The following DNM3 variants were observed in gnomAD, a reference collection of about 807,000 sequenced individuals.
DNM3 encodes dynamin-3.
In DNM3, 47 loss-of-function variants were observed where a neutral mutation model predicts 101.6. That is an observed-to-expected ratio of 0.46 (90% CI 0.37 to 0.59). The LOEUF (loss-of-function observed/expected upper bound fraction) is 0.59, where lower values mean the gene tolerates loss of function less well. Ranked by LOEUF, DNM3 falls within the 20% of genes least tolerant of loss-of-function variation. DNM3 has a pLI of 0.00. For synonymous variants in DNM3, 385 were observed against 387.9 expected, an observed-to-expected ratio of 0.99 and a Z score of 0.09; for missense variants, 849 against 1,085.7, an observed-to-expected ratio of 0.78 and a Z score of 3.06.
chr1:172,000,916 ATAT>A (rs1236910408), intron 4 of DNM3, among the ~76,000 whole-genome samples: 1 of 152,088 alleles, frequency 6.6e-6, no homozygotes, highest in African/African-American at 2.4e-5. Flanking sequence ...AAGATGGGAG[ATAT>A]TATAACTTGT....
intron 14 of DNM3, among the ~76,000 whole-genome samples, chr1:172,214,096 T>C (rs1278954666): frequency 6.6e-6 from 1 of 152,126 alleles, no homozygotes. Flanking sequence ...CTTTAGACAA[T>C]GGGAATTATT....
chr1:172,091,002 C>T (rs956757879), intron 12 of DNM3, among the ~76,000 whole-genome samples: 4 of 152,138 alleles, frequency 2.6e-5, no homozygotes, highest in South Asian at 2.1e-4. Flanking sequence ...TATATTGATA[C>T]GTGTTTATTC....
At chr1:172,203,456 C>T (rs1476784332) in intron 14 of DNM3, among the ~76,000 whole-genome samples, 1 of 152,172 alleles carries the variant, frequency 6.6e-6, no homozygotes, top group East Asian at 1.9e-4. Flanking sequence ...AGCATTTTAG[C>T]AGCAACAGCA....
intron 1 of DNM3, among the ~76,000 whole-genome samples, chr1:171,909,824 A>G (rs1394057416): frequency 6.6e-6 from 1 of 152,210 alleles, no homozygotes; most frequent in Admixed American, 6.5e-5. Flanking sequence ...AAAGAAGGCC[A>G]TTAAGTGCTA....
chr1:172,379,191 T>C lies in DNM3; in HGVS notation c.2058+9T>C. 1 of 1,592,558 alleles carries C rather than the reference T, an allele frequency of 6.3e-7. No homozygotes were observed. The highest frequency in any genetic ancestry group is 8.6e-7 in the Non-Finnish European group (1 of 1,167,484). On this transcript the variant is annotated intron_variant, in intron 18 of 20. Coordinates refer to ENST00000627582, the MANE Select transcript of DNM3 (RefSeq NM_015569.5). ...ACCTTATGATCAATAACGTAAGTGA[T>C]TATAAACTACCTCCATTTAACTTCT...
intron 16 of DNM3, among the ~76,000 whole-genome samples, chr1:172,320,397 GAA>G (rs11345178): frequency 0.019 from 2,637 of 139,464 alleles, 26 homozygotes; most frequent in African/African-American, 0.027. Context: ...ATAAAAAAAA[GAA>G]AAAAAAAAAA....
At chr1:171,873,328 A>G (rs1293998027) in intron 1 of DNM3, among the ~76,000 whole-genome samples, 1 of 152,206 alleles carries the variant, frequency 6.6e-6, no homozygotes, top group Non-Finnish European at 1.5e-5. Flanking sequence ...ATTATTTAAA[A>G]GGTTATTTAA....
chr1:172,252,478 G>A (rs1177695111), intron 14 of DNM3, among the ~76,000 whole-genome samples: 1 of 152,126 alleles, frequency 6.6e-6, no homozygotes, highest in Non-Finnish European at 1.5e-5. Context: ...ATATTTGTAT[G>A]ATGCACGTAT....
At chr1:172,026,373 A>G (rs1381389468) in intron 4 of DNM3, among the ~76,000 whole-genome samples, 1 of 152,188 alleles carries the variant, frequency 6.6e-6, no homozygotes, top group Non-Finnish European at 1.5e-5. Context: ...ACCAAGTTGG[A>G]AAACACTTTT....
At position 171,842,150 on chromosome 1, in the gene DNM3, C is replaced by G. The variant is rs530119386; in HGVS notation, c.161+333C>G. 1.2e-3 allele frequency among the ~76,000 whole-genome samples: 188 copies of G among 152,170 alleles called. 2 individuals are homozygous for G. Among genetic ancestry groups the G allele is most frequent in the African/African-American group, 4.3e-3 (180 of 41,538 alleles). On this transcript the variant is annotated intron_variant, in intron 1 of 20. Transcript: ENST00000627582. ...GCTCGACCCCCACCCCCTCGGTGCG[C>G]GCCAGCCCCGGGCAGCCTCCCTGCG...
chr1:171,843,873 G>A lies in DNM3; in HGVS notation c.161+2056G>A, dbSNP rs193069346. ...GGGACAAGTATAAAAATCAGAGCAC[G>A]TACCAGAATGCATTAGTAATTTGTT... On this transcript the variant is annotated intron_variant, in intron 1 of 20. Transcript: ENST00000627582. 5.3e-5 allele frequency among the ~76,000 whole-genome samples: 8 copies of A among 152,252 alleles called. No homozygotes were observed. The East Asian group carries it at 5.8e-4, about 11-fold the overall frequency.
intron 1 of DNM3, among the ~76,000 whole-genome samples, chr1:171,902,905 C>A (rs1028430381): frequency 1.3e-5 from 2 of 152,154 alleles, no homozygotes; most frequent in African/African-American, 4.8e-5. Flanking sequence ...GTAATCCCAG[C>A]ACTTTGGGAG....
chr1:171,980,385 T>C (rs2044699489), intron 2 of DNM3, among the ~76,000 whole-genome samples: 1 of 152,196 alleles, frequency 6.6e-6, no homozygotes, highest in South Asian at 2.1e-4. Flanking sequence ...ATATATACCA[T>C]GTGTAATGAT....
chr1:172,203,993 C>A (rs1457268349), intron 14 of DNM3, among the ~76,000 whole-genome samples: 1 of 151,990 alleles, frequency 6.6e-6, no homozygotes, highest in Non-Finnish European at 1.5e-5. Flanking sequence ...ATGGCTGGTA[C>A]CAAGGGTGTC....
chr1:172,103,235 T>TA (rs2054780126), intron 13 of DNM3, among the ~76,000 whole-genome samples: 1 of 152,112 alleles, frequency 6.6e-6, no homozygotes, highest in African/African-American at 2.4e-5. Context: ...CACTGTGATT[T>TA]AAAAAAATAA....
At chr1:172,298,932 A>G (rs903836078) in intron 15 of DNM3, among the ~76,000 whole-genome samples, 1 of 152,184 alleles carries the variant, frequency 6.6e-6, no homozygotes, top group Non-Finnish European at 1.5e-5. Context: ...AAACAGATGC[A>G]TAATTCTGAA....
intron 1 of DNM3, among the ~76,000 whole-genome samples, chr1:171,867,192 G>T (rs976921692): frequency 2.0e-5 from 3 of 152,180 alleles, no homozygotes; most frequent in Non-Finnish European, 4.4e-5. Context: ...GGAGCTGAAG[G>T]TCAGGCTTTG....
At chr1:171,852,334 G>A (rs2033075472) in intron 1 of DNM3, among the ~76,000 whole-genome samples, 1 of 152,204 alleles carries the variant, frequency 6.6e-6, no homozygotes, top group South Asian at 2.1e-4. Context: ...GTAAGTAGAT[G>A]ATACAACCAG....
chr1:171,869,780 A>C (rs2035104454), intron 1 of DNM3, among the ~76,000 whole-genome samples: 1 of 152,240 alleles, frequency 6.6e-6, no homozygotes, highest in African/African-American at 2.4e-5. Context: ...ATCTCATGCT[A>C]CCTCAGGACA....
Sources: gnomAD v4.1 joint callset for allele counts (sites outside exome capture counted in the v4.1 genomes callset) on GRCh38, gnomAD v4.1.1 for gene constraint, MANE v1.5 for transcripts, NCBI Gene and HGNC (gene_info 2026-07-23, HGNC 2026-07-21) for gene names.